The following PPP3CA variants were observed in gnomAD, a reference collection of about 807,000 sequenced individuals.
PPP3CA encodes the protein CAM-PRP catalytic subunit.
A neutral mutation model predicts 66.5 loss-of-function variants in PPP3CA; 14 were observed. The observed-to-expected ratio is 0.21, with a 90% CI of 0.14 to 0.33. The LOEUF is 0.33. Among genes scored for constraint, PPP3CA ranks in the 10% least tolerant of loss-of-function variants. The pLI is 1.00. For missense variants in PPP3CA, 317 were observed against 639.5 expected, an observed-to-expected ratio of 0.50 and a Z score of 5.44; for synonymous variants, 232 against 226.2, an observed-to-expected ratio of 1.03 and a Z score of -0.23.
At chr4:101,231,827 A>G (rs1275460162) in intron 1 of PPP3CA, among the ~76,000 whole-genome samples, 1 of 151,726 alleles carries the variant, frequency 6.6e-6, no homozygotes, top group Non-Finnish European at 1.5e-5. Context: ...CAGAGCTACA[A>G]TTAAATCTCC....
intron 2 of PPP3CA, among the ~76,000 whole-genome samples, chr4:101,188,984 TTC>T (rs1724501712): frequency 6.6e-6 from 1 of 152,182 alleles, no homozygotes; most frequent in African/African-American, 2.4e-5. Flanking sequence ...AAAATTTATA[TTC>T]TTTTTATTTT....
At chr4:101,204,452 C>G (rs998172025) in intron 1 of PPP3CA, among the ~76,000 whole-genome samples, 1 of 151,848 alleles carries the variant, frequency 6.6e-6, no homozygotes, top group Admixed American at 6.6e-5. Flanking sequence ...CTGGCTAACA[C>G]GGTGAAACCC....
rs184598371 is a variant in PPP3CA at position 101,242,496 on chromosome 4, T to C, written c.59-46380A>G. The stretch of plus-strand genomic sequence containing the variant: ...CAGAGAATAAAAATAAATTACTCTA[T>C]GTGCTTGAGATTGTTCAGTAAGGAA... On this transcript the variant is annotated intron_variant, in intron 1 of 13. Coordinates refer to ENST00000394854, the MANE Select transcript of PPP3CA (RefSeq NM_000944.5). Among the ~76,000 whole-genome samples the C allele has an allele frequency of 2.3e-3, 354 of 151,586 alleles. 3 individuals are homozygous for C. The highest frequency in any genetic ancestry group is 8.0e-3 in the African/African-American group (330 of 41,446).
At chr4:101,056,471 A>G (rs954217183) in intron 10 of PPP3CA, among the ~76,000 whole-genome samples, 6 of 152,182 alleles carry the variant, frequency 3.9e-5, no homozygotes, top group Non-Finnish European at 8.8e-5. Context: ...CTAAATTGCT[A>G]TAGGCACTAC....
At chr4:101,066,848 T>C (rs1479743490) in intron 8 of PPP3CA, among the ~76,000 whole-genome samples, 1 of 152,160 alleles carries the variant, frequency 6.6e-6, no homozygotes, top group Non-Finnish European at 1.5e-5. Flanking sequence ...TTCTCTGAAG[T>C]ACTTGAAAGA....
intron 1 of PPP3CA, among the ~76,000 whole-genome samples, chr4:101,259,010 A>C (rs1252617792): frequency 6.6e-6 from 1 of 152,110 alleles, no homozygotes; most frequent in Non-Finnish European, 1.5e-5. Context: ...ACACCTCTTC[A>C]GCTCTGCTCT....
intron 1 of PPP3CA, among the ~76,000 whole-genome samples, chr4:101,270,238 G>A (rs565479882): frequency 5.9e-5 from 9 of 152,188 alleles, no homozygotes; most frequent in Admixed American, 3.9e-4. Flanking sequence ...TGTGAGATCC[G>A]TGACAGGTCA....
At chr4:101,036,842 A>G (rs1727275725) in intron 11 of PPP3CA, among the ~76,000 whole-genome samples, 1 of 152,220 alleles carries the variant, frequency 6.6e-6, no homozygotes, top group Non-Finnish European at 1.5e-5. Flanking sequence ...AGGTATTTAA[A>G]TTGAAAAGTA....
chr4:101,279,918 T>A (rs1397393155), intron 1 of PPP3CA, among the ~76,000 whole-genome samples: 2 of 152,218 alleles, frequency 1.3e-5, no homozygotes, highest in African/African-American at 4.8e-5. Flanking sequence ...AGAAGTAAGT[T>A]ATCTAAAGTG....
intron 1 of PPP3CA, among the ~76,000 whole-genome samples, chr4:101,205,350 T>C (rs1006301946): frequency 5.3e-5 from 8 of 152,284 alleles, no homozygotes; most frequent in African/African-American, 1.9e-4. Context: ...AATTAAGCTC[T>C]GGGGTACATG....
At chr4:101,320,570 G>A (rs910435006) in intron 1 of PPP3CA, among the ~76,000 whole-genome samples, 1 of 151,852 alleles carries the variant, frequency 6.6e-6, no homozygotes, top group Admixed American at 6.6e-5. Flanking sequence ...TTGGATTCCA[G>A]GTGATTGGTC....
chr4:101,280,819 CAA>C (rs5860668), intron 1 of PPP3CA, among the ~76,000 whole-genome samples: 3 of 84,598 alleles, frequency 3.5e-5, no homozygotes, highest in African/African-American at 3.8e-5. Flanking sequence ...GACTCAGTCT[CAA>C]AAAAAAAAAA....
intron 5 of PPP3CA, among the ~76,000 whole-genome samples, chr4:101,094,772 C>A (rs1730119191): frequency 6.6e-6 from 1 of 152,094 alleles, no homozygotes; most frequent in Non-Finnish European, 1.5e-5. Flanking sequence ...AATAACATAT[C>A]ACGATCAATT....
chr4:101,087,413 G>A (rs1380064178), intron 6 of PPP3CA, among the ~76,000 whole-genome samples: 1 of 152,140 alleles, frequency 6.6e-6, no homozygotes, highest in Non-Finnish European at 1.5e-5. Context: ...CTTGGAACCT[G>A]CACTCTGATC....
At chr4:101,224,683 C>T (rs1725727231) in intron 1 of PPP3CA, among the ~76,000 whole-genome samples, 1 of 151,718 alleles carries the variant, frequency 6.6e-6, no homozygotes, top group African/African-American at 2.4e-5. Flanking sequence ...AATATAAAGT[C>T]TTCTGAAATT....
At chr4:101,280,079 G>A (rs540384642) in intron 1 of PPP3CA, among the ~76,000 whole-genome samples, 2 of 152,302 alleles carry the variant, frequency 1.3e-5, no homozygotes, top group South Asian at 4.1e-4. Context: ...AGGCACTGTA[G>A]TAAGAAATGG....
At chr4:101,121,019 A>T (rs1341149200) in intron 2 of PPP3CA, among the ~76,000 whole-genome samples, 1 of 152,110 alleles carries the variant, frequency 6.6e-6, no homozygotes, top group African/African-American at 2.4e-5. Context: ...AAACTGAGTG[A>T]TCATAGAAAA....
At chr4:101,320,233 G>A (rs1434313189) in intron 1 of PPP3CA, among the ~76,000 whole-genome samples, 3 of 151,584 alleles carry the variant, frequency 2.0e-5, no homozygotes, top group Non-Finnish European at 4.4e-5. Flanking sequence ...ATTCAAAACT[G>A]TGATTTTAAG....
chr4:101,137,019 T>C (rs1268479048), intron 2 of PPP3CA, among the ~76,000 whole-genome samples: 1 of 152,116 alleles, frequency 6.6e-6, no homozygotes, highest in African/African-American at 2.4e-5. Context: ...CAACAGCCAC[T>C]TGAGAACCAG....
Sources: gnomAD v4.1 joint callset for allele counts (sites outside exome capture counted in the v4.1 genomes callset) on GRCh38, gnomAD v4.1.1 for gene constraint, MANE v1.5 for transcripts, NCBI Gene and HGNC (gene_info 2026-07-23, HGNC 2026-07-21) for gene names.